The following ADGRV1 variants were observed in gnomAD, a reference collection of about 807,000 sequenced individuals.
ADGRV1 encodes adhesion G protein-coupled receptor V1, also known as G-protein coupled receptor 98.
A neutral mutation model predicts 596.2 loss-of-function variants in ADGRV1; 359 were observed. That is an observed-to-expected ratio of 0.60 (90% CI 0.55 to 0.66). The LOEUF (loss-of-function observed/expected upper bound fraction) is 0.66. ADGRV1 is among the 30% of genes least tolerant of loss of function. ADGRV1 has a pLI of 0.00. For synonymous variants in ADGRV1, 2,681 were observed against 2,679.2 expected, an observed-to-expected ratio of 1.00 and a Z score of -0.02; for missense variants, 7,274 against 7,575.6, an observed-to-expected ratio of 0.96 and a Z score of 1.48.
intron 45 of ADGRV1, among the ~76,000 whole-genome samples, chr5:90,724,604 T>C (rs1461110712): frequency 6.6e-6 from 1 of 152,228 alleles, no homozygotes; most frequent in African/African-American, 2.4e-5. Flanking sequence ...CAAATTTTCT[T>C]GGTTTTTAAA....
intron 83 of ADGRV1, among the ~76,000 whole-genome samples, chr5:90,939,228 A>G (rs1476583003): frequency 1.3e-5 from 2 of 152,194 alleles, no homozygotes; most frequent in Non-Finnish European, 2.9e-5. Flanking sequence ...AGGGGCCCAT[A>G]TTTAATTAGA....
intron 85 of ADGRV1, among the ~76,000 whole-genome samples, chr5:91,012,876 A>T (rs1782838730): frequency 6.6e-6 from 1 of 151,306 alleles, no homozygotes; most frequent in Admixed American, 6.6e-5. Flanking sequence ...CCCTCCTCCC[A>T]CCTCCACCTT....
At chr5:90,971,468 AC>A (rs1175657159) in intron 84 of ADGRV1, among the ~76,000 whole-genome samples, 1 of 152,230 alleles carries the variant, frequency 6.6e-6, no homozygotes, top group Non-Finnish European at 1.5e-5. Flanking sequence ...TGGGTTACCC[AC>A]AAAGGGAAGC....
intron 85 of ADGRV1, among the ~76,000 whole-genome samples, chr5:91,006,773 T>TA (rs34328836): frequency 0.14 from 21,001 of 152,144 alleles, 1,949 homozygotes; most frequent in African/African-American, 0.24. Flanking sequence ...AAAAGAGAAA[T>TA]ACGGGTATGA....
chr5:91,093,985 G>A (rs1790616482), intron 86 of ADGRV1, among the ~76,000 whole-genome samples: 1 of 151,564 alleles, frequency 6.6e-6, no homozygotes. Context: ...CCGAGTAGCT[G>A]GGATTACAGG....
intron 6 of ADGRV1, 163 bp downstream of exon 6, chr5:90,625,406 T>G (rs1004860701): frequency 6.1e-6 from 3 of 488,290 alleles, no homozygotes; most frequent in Non-Finnish European, 1.1e-5. Flanking sequence ...CACATTAAAT[T>G]ACACATCTAA....
rs1425672703 is a variant in ADGRV1, at chr5:91,153,254, C to A, written c.18658C>A (p.Gln6220Lys). Residue 6220 changes from glutamine to lysine, a missense_variant, in exon 89 of 90, where the codon CAG becomes AAG. Physicochemically the swap from Gln to Lys is moderately conservative, Grantham distance 53. Coordinates refer to ENST00000405460, the MANE Select transcript of ADGRV1 (RefSeq NM_032119.4). Reference protein sequence around the residue: ...PPDWERASFQQGSQASPDLKP... With the variant: ...PPDWERASFQKGSQASPDLKP... ...TGACTGGGAGAGAGCATCCTTCCAA[C>A]AGGGCAGTCAGGCCAGCCCTGATTT... The A allele has an allele frequency of 2.5e-6, 4 of 1,608,570 alleles. No individual in the cohort carries two copies. Among genetic ancestry groups the A allele is most frequent in the Non-Finnish European group, 3.4e-6 (4 of 1,177,440 alleles).
intron 83 of ADGRV1, among the ~76,000 whole-genome samples, chr5:90,898,236 CT>C (rs1481605890): frequency 6.6e-6 from 1 of 152,124 alleles, no homozygotes; most frequent in Non-Finnish European, 1.5e-5. Flanking sequence ...TGCTGATGAT[CT>C]TTTGCAAAGA....
intron 46 of ADGRV1, 33 bp from the exon 47 acceptor site, chr5:90,725,053 T>A (rs1297820282): frequency 6.6e-7 from 1 of 1,523,904 alleles, no homozygotes; most frequent in South Asian, 1.2e-5. Context: ...AGATGTATAA[T>A]GAATAACTGT....
At chr5:90,995,147 TTGC>T (rs745774428) in intron 85 of ADGRV1, among the ~76,000 whole-genome samples, 1 of 152,246 alleles carries the variant, frequency 6.6e-6, no homozygotes, top group South Asian at 2.1e-4. Context: ...TTGAGGTTTT[TTGC>T]TCCATTGTTG....
chr5:90,700,794 A>G (rs1490122643), intron 34 of ADGRV1, among the ~76,000 whole-genome samples: 2 of 152,154 alleles, frequency 1.3e-5, no homozygotes, highest in African/African-American at 2.4e-5. Context: ...TCATATTCCT[A>G]TAATTGTTTT....
chr5:91,101,252 T>C (rs1023040629), intron 86 of ADGRV1, among the ~76,000 whole-genome samples: 8 of 152,206 alleles, frequency 5.3e-5, no homozygotes, highest in Admixed American at 6.5e-5. Flanking sequence ...GTCTTCTGTA[T>C]GTTTGAGATT....
At chr5:90,665,599 G>A (rs889216067) in intron 21 of ADGRV1, among the ~76,000 whole-genome samples, 1 of 150,146 alleles carries the variant, frequency 6.7e-6, no homozygotes, top group African/African-American at 2.5e-5. Context: ...AGGGTTTTTT[G>A]TGTCTCTATT....
rs1295070679 is a variant in ADGRV1 at position 90,643,022 on chromosome 5, G to A, written c.2534G>A (p.Arg845Lys). Residue 845 changes from arginine to lysine, a missense_variant, in exon 13 of 90, where the codon AGA becomes AAA. Physicochemically the swap from Arg to Lys is conservative, Grantham distance 26. This residue lies in a region of ADGRV1 where 1,715 missense variants were observed against 1,708.8 expected (regional missense o/e 1.00). Transcript: ENST00000405460. ...GAGATAGTGATCACCTTGCTAGCAAGATTGGATGGGATACCAGAGGTATGG... is the reference window on the plus strand; with the variant it reads ...GAGATAGTGATCACCTTGCTAGCAAAATTGGATGGGATACCAGAGGTATGG... ...EREIVITLLARLDGIPELDEH... is the reference protein window; with the variant it reads ...EREIVITLLAKLDGIPELDEH... 3.1e-6 allele frequency: 5 copies of A among 1,613,106 alleles called. No individual in the cohort carries two copies. The highest frequency in any genetic ancestry group is 4.2e-6 in the Non-Finnish European group (5 of 1,179,154).
intron 83 of ADGRV1, among the ~76,000 whole-genome samples, chr5:90,928,340 C>CT (rs1321932180): frequency 3.3e-5 from 5 of 151,830 alleles, no homozygotes; most frequent in Non-Finnish European, 7.4e-5. Flanking sequence ...TCTTTTTATT[C>CT]TTTTTTCTCT....
intron 83 of ADGRV1, among the ~76,000 whole-genome samples, chr5:90,951,246 G>A (rs983157766): frequency 3.9e-5 from 6 of 152,164 alleles, no homozygotes; most frequent in Admixed American, 3.3e-4. Context: ...GAGGCAATAA[G>A]AATGCTTGTT....
intron 85 of ADGRV1, among the ~76,000 whole-genome samples, chr5:91,006,413 C>T (rs1046940843): frequency 2.6e-4 from 40 of 152,150 alleles, no homozygotes; most frequent in Non-Finnish European, 4.4e-4. Context: ...TTTTGACAAA[C>T]ACCACAAACA....
At position 90,627,647 on chromosome 5, in the gene ADGRV1, A is replaced by T. The variant is rs1233161648; in HGVS notation, c.1109A>T (p.Asp370Val). Residue 370 changes from aspartate (D) to valine (V), a missense_variant, in exon 7 of 90, where the codon GAT (aspartate) becomes GTT (valine). Physicochemically the swap from Asp to Val is radical, Grantham distance 152. Around this residue, in one of 5 missense-constraint regions of ADGRV1, gnomAD observed 1,715 missense variants for 1,708.8 expected, o/e 1.00. Transcript: ENST00000405460. ...IMLLKDTLQG[D>V]AVLISPSVVQ... ...TTACTAAAAGATACCTTACAGGGAG[A>T]TGCTGTGCTAATAAGCCCTTCTGTT... is the stretch of plus-strand genomic sequence containing the variant. 9 of 1,613,894 alleles carry T rather than the reference A, an allele frequency of 5.6e-6. No homozygotes were observed. Among genetic ancestry groups the T allele is most frequent in the East Asian group, 4.5e-5 (2 of 44,862 alleles).
intron 65 of ADGRV1, among the ~76,000 whole-genome samples, chr5:90,781,988 A>C (rs552624249): frequency 6.6e-5 from 10 of 152,212 alleles, no homozygotes; most frequent in Middle Eastern, 3.4e-3. Context: ...TAGTATCTGG[A>C]TCCTTGATCT....
Sources: allele counts gnomAD v4.1 joint callset (sites outside exome capture counted in the v4.1 genomes callset), GRCh38; gene constraint gnomAD v4.1.1; regional missense constraint gnomAD v4.1.1; transcripts MANE v1.5; gene names NCBI Gene and HGNC (gene_info 2026-07-23, HGNC 2026-07-21).